Variants in SULF2 observed in about 807,000 individuals in gnomAD.
The protein encoded by SULF2 is sulfatase 2, also known as extracellular sulfatase Sulf-2.
SULF2 carries 52 observed loss-of-function variants against 107.7 expected under a neutral mutation model. The ratio of observed to expected loss-of-function variants is 0.48; its 90% CI spans 0.39 to 0.61. SULF2 has a LOEUF of 0.61. SULF2 is among the 20% of genes least tolerant of loss of function. The pLI, the probability that SULF2 is intolerant of heterozygous loss-of-function variation, is 0.00. For synonymous variants in SULF2, 460 were observed against 464.3 expected (o/e 0.99, Z 0.12); for missense variants, 993 against 1,177.3 (o/e 0.84, Z 2.29).
At chr20:47,744,732 C>T (rs903985404) in intron 2 of SULF2, among the ~76,000 whole-genome samples, 2 of 152,160 alleles carry the variant, frequency 1.3e-5, no homozygotes, top group African/African-American at 4.8e-5. Flanking sequence ...TACACTCTAC[C>T]TGGGGCCAGT....
chr20:47,667,393 G>A (rs1380153801), intron 11 of SULF2, among the ~76,000 whole-genome samples: 1 of 152,224 alleles, frequency 6.6e-6, no homozygotes, highest in African/African-American at 2.4e-5. Context: ...AGGGGTGCAG[G>A]CTGAAGTGAC....
intron 1 of SULF2, among the ~76,000 whole-genome samples, chr20:47,779,912 T>G (rs2122713394): frequency 6.6e-6 from 1 of 152,188 alleles, no homozygotes; most frequent in Admixed American, 6.5e-5. Context: ...CAGACAGTTA[T>G]CCATTTTATT....
chr20:47,706,058 C>T (rs1165176159), intron 3 of SULF2, among the ~76,000 whole-genome samples: 1 of 152,110 alleles, frequency 6.6e-6, no homozygotes, highest in Non-Finnish European at 1.5e-5. Flanking sequence ...CTCGGCCTCC[C>T]AAAGTTCTGG....
chr20:47,689,786 CTA>C (rs1034999802), intron 5 of SULF2: 2 of 188,994 alleles, frequency 1.1e-5, no homozygotes, highest in African/African-American at 4.6e-5. Flanking sequence ...TCTGGTAAAA[CTA>C]TAGACCCCCT....
intron 1 of SULF2, among the ~76,000 whole-genome samples, chr20:47,779,737 A>G (rs1363358734): frequency 6.6e-6 from 1 of 151,928 alleles, no homozygotes; most frequent in Admixed American, 6.6e-5. Context: ...CTCCCGAGTA[A>G]CTGGGATTAC....
At chr20:47,727,077 ATG>A (rs962329719) in intron 3 of SULF2, among the ~76,000 whole-genome samples, 1 of 151,890 alleles carries the variant, frequency 6.6e-6, no homozygotes, top group African/African-American at 2.4e-5. Context: ...GCGGGGTTTA[ATG>A]TGTGAAAGAA....
intron 3 of SULF2, among the ~76,000 whole-genome samples, chr20:47,717,713 C>T (rs992367696): frequency 5.3e-5 from 8 of 152,080 alleles, no homozygotes; most frequent in African/African-American, 1.2e-4. Flanking sequence ...TCCCAGGACC[C>T]GGGCACTTTG....
intron 1 of SULF2, among the ~76,000 whole-genome samples, chr20:47,777,708 T>C (rs1163111137): frequency 1.3e-5 from 2 of 152,148 alleles, no homozygotes; most frequent in African/African-American, 4.8e-5. Context: ...CTCTGAAATA[T>C]CCAGATAAGT....
chr20:47,676,613 G>T lies in SULF2; in HGVS notation c.1261C>A (p.His421Asn), dbSNP rs748447131. Residue 421 changes from histidine to asparagine, a missense_variant, in exon 10 of 21, where the codon CAC (histidine) becomes AAC (asparagine). Physicochemically the swap from His to Asn is moderately conservative, Grantham distance 68. Coordinates refer to ENST00000688720, the MANE Select transcript of SULF2 (RefSeq NM_001387048.1). ...TCCACCTTGTCATTGTCTCTCTTGTGTAGCAGCTTGCTATGGGGCAGAGAG... is the reference window on the plus strand; with the variant it reads ...TCCACCTTGTCATTGTCTCTCTTGTTTAGCAGCTTGCTATGGGGCAGAGAG... ...SFLVERGKLLHKRDNDKVDAQ... is the reference protein window; with the variant it reads ...SFLVERGKLLNKRDNDKVDAQ... 8.4e-6 allele frequency: 13 copies of T among 1,552,448 alleles called. No individual in the cohort carries two copies. The African/African-American group carries it at 1.8e-4, about 21-fold the overall frequency.
At chr20:47,765,221 G>A (rs1430936244) in intron 1 of SULF2, among the ~76,000 whole-genome samples, 2 of 152,102 alleles carry the variant, frequency 1.3e-5, no homozygotes, top group African/African-American at 4.8e-5. Context: ...TGGGCGTGGT[G>A]GCGGGCGCCT....
At position 47,757,466 on chromosome 20, in the gene SULF2, A is replaced by G; in HGVS notation, c.-100-3T>C. On this transcript the variant is annotated splice_region_variant and splice_polypyrimidine_tract_variant and intron_variant, in intron 1 of 20. Coordinates refer to ENST00000688720, the MANE Select transcript of SULF2 (RefSeq NM_001387048.1). ...CTCGTCCCTCTTCACTCGCAGATCT[A>G]GAGGAGGAGGAAGAATCAGGTCAAT... 7.6e-7 allele frequency: 1 copy of G among 1,323,154 alleles called. No homozygotes were observed. 82.0% of individuals were successfully genotyped at this position (1,323,154 alleles called of 1,614,324 possible).
At chr20:47,705,854 A>C (rs1478270537) in intron 3 of SULF2, among the ~76,000 whole-genome samples, 1 of 150,246 alleles carries the variant, frequency 6.7e-6, no homozygotes, top group Non-Finnish European at 1.5e-5. Context: ...GCTGGAGTGC[A>C]ATGGCGTGAT....
chr20:47,686,610 G>A (rs559103455), intron 5 of SULF2, among the ~76,000 whole-genome samples: 24 of 152,356 alleles, frequency 1.6e-4, no homozygotes, highest in African/African-American at 5.5e-4. Context: ...GGAAAAACAA[G>A]CCTGGTCAGA....
intron 10 of SULF2, among the ~76,000 whole-genome samples, chr20:47,673,776 G>A (rs1277241587): frequency 1.3e-5 from 2 of 152,244 alleles, no homozygotes; most frequent in Non-Finnish European, 2.9e-5. Context: ...GCTAAAGTGG[G>A]CACTGTGACC....
intron 6 of SULF2, among the ~76,000 whole-genome samples, chr20:47,684,043 G>C (rs1174714201): frequency 6.6e-6 from 1 of 152,162 alleles, no homozygotes; most frequent in Non-Finnish European, 1.5e-5. Context: ...TTTGGGGTAA[G>C]AAAAATGTCC....
intron 10 of SULF2, among the ~76,000 whole-genome samples, chr20:47,672,717 C>CTTAA (rs1183405628): frequency 6.6e-6 from 1 of 152,174 alleles, no homozygotes; most frequent in Non-Finnish European, 1.5e-5. Context: ...TACTCTCCTA[C>CTTAA]TTAAAACCCT....
At chr20:47,746,978 T>TAAAA (rs1555853776) in intron 2 of SULF2, among the ~76,000 whole-genome samples, 6 of 51,196 alleles carry the variant, frequency 1.2e-4, no homozygotes, top group Non-Finnish European at 1.6e-4. Flanking sequence ...AGAACTTAAA[T>TAAAA]AAATAAAAAA....
At chr20:47,712,683 A>G (rs1235921719) in intron 3 of SULF2, among the ~76,000 whole-genome samples, 1 of 152,090 alleles carries the variant, frequency 6.6e-6, no homozygotes, top group East Asian at 1.9e-4. Flanking sequence ...CTCTAATGTT[A>G]AGCGTCACAC....
Position 47,683,012 on chromosome 20 carries a change from T to C in SULF2, c.1046A>G (p.Asn349Ser). The C allele has an allele frequency of 1.2e-6, 2 of 1,610,436 alleles. No homozygotes were observed. The highest frequency in any genetic ancestry group is 1.7e-6 in the Non-Finnish European group (2 of 1,177,704). ...CACTTACAGACAGCCGGCTTCCACG[T>C]TGGGGCCCCTCACGTAGAACGGGAC... ...IRVPFYVRGP[N>S]VEAGCLNPHI... is the part of the protein sequence containing the mutation. Residue 349 changes from asparagine to serine, a missense_variant, in exon 7 of 21, where the codon AAC becomes AGC. Physicochemically the swap from Asn to Ser is conservative, Grantham distance 46 (BLOSUM62 1). Around this residue, in one of 3 missense-constraint regions of SULF2, gnomAD observed 108 missense variants for 183.9 expected, o/e 0.59. Coordinates refer to ENST00000688720, the MANE Select transcript of SULF2 (RefSeq NM_001387048.1).
Sources: allele counts gnomAD v4.1 joint callset (sites outside exome capture counted in the v4.1 genomes callset), GRCh38; gene constraint gnomAD v4.1.1; regional missense constraint gnomAD v4.1.1; transcripts MANE v1.5; gene names NCBI Gene and HGNC (gene_info 2026-07-23, HGNC 2026-07-21).